The following C2orf76 variants were observed in gnomAD, a reference collection of about 807,000 sequenced individuals.
C2orf76 encodes chromosome 2 open reading frame 76, also known as UPF0538 protein C2orf76.
A neutral mutation model predicts 16.9 loss-of-function variants in C2orf76; 23 were observed. That is an observed-to-expected ratio of 1.36 (90% CI 0.98 to 1.93). The LOEUF (loss-of-function observed/expected upper bound fraction) is 1.93, where lower values mean the gene tolerates loss of function less well. Ranked by LOEUF, C2orf76 falls within the 30% of genes most tolerant of loss-of-function variation. The pLI is 0.00. For missense variants in C2orf76, 152 were observed against 152.6 expected (o/e 1.00, Z 0.02); for synonymous variants, 48 against 52.3 (o/e 0.92, Z 0.35).
At position 119,302,375 on chromosome 2, in the gene C2orf76, GATTA is replaced by G; in HGVS notation, c.*93_*96del. The G allele has an allele frequency of 1.8e-6, 1 of 560,840 alleles. No homozygotes were observed. Among genetic ancestry groups the G allele is most frequent in the Non-Finnish European group, 3.3e-6 (1 of 306,736 alleles). The allele number at this position is 560,840 out of a possible 1,614,324, so 34.7% of individuals were successfully genotyped here. On this transcript the variant is annotated 3_prime_UTR_variant, in exon 6 of 6. Transcript: ENST00000334816. ...TTTTAGCTCAAAGAGTATAGCCTGG[GATTA>G]ATTTTTTAAGATTTGTTTGTCAATT...
chr2:119,351,223 A>C (rs576294095), intron 1 of C2orf76, among the ~76,000 whole-genome samples: 121 of 152,310 alleles, frequency 7.9e-4, no homozygotes, highest in South Asian at 4.8e-3. Context: ...ACTCACAGCC[A>C]ACACCACTCA....
intron 5 of C2orf76, among the ~76,000 whole-genome samples, chr2:119,303,709 A>G (rs959316723): frequency 2.0e-5 from 3 of 152,198 alleles, no homozygotes; most frequent in Non-Finnish European, 4.4e-5. Flanking sequence ...ATCCAATTTA[A>G]TGTTTGTTAA....
In C2orf76 at chr2:119,311,648, T is replaced by C. The variant is rs749649916; in HGVS notation, c.278A>G (p.Asp93Gly). 1.5e-5 allele frequency: 25 copies of C among 1,613,308 alleles called. No individual in the cohort carries two copies. The highest frequency in any genetic ancestry group is 2.0e-5 in the Non-Finnish European group (24 of 1,179,940). The change falls in exon 5 of 6, where the codon GAC (aspartate) becomes GGC (glycine). Residue 93 changes from aspartate to glycine, a missense_variant. Asp to Gly is a moderately conservative substitution (Grantham distance 94, BLOSUM62 -1). Coordinates refer to ENST00000334816, the MANE Select transcript of C2orf76 (RefSeq NM_001322331.2). ...EDDERLLLKEDSTLKAAGIAS... is the reference protein window; with the variant it reads ...EDDERLLLKEGSTLKAAGIAS... ...GATTCCAGCTGCTTTCAGAGTGCTG[T>C]CTTCTTTCAGCAGGAGTCTTTCGTC...
intron 2 of C2orf76, among the ~76,000 whole-genome samples, chr2:119,325,088 C>T (rs761636254): frequency 5.3e-4 from 80 of 152,020 alleles, no homozygotes; most frequent in Non-Finnish European, 4.4e-4. Flanking sequence ...GGAATCCCAG[C>T]ACTTTGGGAG....
At chr2:119,293,753 A>C in the C2orf76 span, among the ~76,000 whole-genome samples, 3 of 152,208 alleles carry the variant, frequency 2.0e-5, no homozygotes, top group Non-Finnish European at 4.4e-5. Context: ...GAACTGGCTG[A>C]TGGCCTGGCT....
chr2:119,295,379 G>T, the C2orf76 span, among the ~76,000 whole-genome samples: 1 of 152,084 alleles, frequency 6.6e-6, no homozygotes, highest in Non-Finnish European at 1.5e-5. Flanking sequence ...GAGGAGGAAG[G>T]GGCACTGATC....
rs4641947 is a variant in C2orf76, at chr2:119,362,507, G to A, written c.-13+4283C>T. On this transcript the variant is annotated intron_variant, in intron 1 of 5. Transcript: ENST00000334816. ...TCATGTGCAGCTAGGAGCTAAATAG[G>A]CAAAGATGTAGAAGACAATGTAGAT... 2.0e-5 allele frequency among the ~76,000 whole-genome samples: 3 copies of A among 152,168 alleles called. No homozygotes were observed. In the South Asian group the frequency reaches 6.2e-4, roughly 31 times the overall value.
At chr2:119,367,044 C>T, upstream of C2orf76, 6 of 1,614,082 alleles carry the variant, frequency 3.7e-6, 1 homozygote, top group African/African-American at 1.3e-5. Flanking sequence ...TCTTGCAAGT[C>T]GGCCAGGATG....
chr2:119,361,666 T>C (rs758597075), intron 1 of C2orf76, among the ~76,000 whole-genome samples: 1 of 152,084 alleles, frequency 6.6e-6, no homozygotes, highest in East Asian at 1.9e-4. Context: ...TTGGCATCCA[T>C]AGGAGGTCAT....
chr2:119,283,882 T>C, the C2orf76 span, among the ~76,000 whole-genome samples: 16 of 152,276 alleles, frequency 1.1e-4, no homozygotes, highest in South Asian at 3.3e-3. Context: ...GGACTGAATC[T>C]TGGAAACTGG....
At chr2:119,315,251 T>C (rs912365011) in intron 4 of C2orf76, among the ~76,000 whole-genome samples, 3 of 152,028 alleles carry the variant, frequency 2.0e-5, no homozygotes, top group Non-Finnish European at 2.9e-5. Flanking sequence ...AGTCTTTTTA[T>C]TGTGGGAATG....
At chr2:119,360,056 G>A (rs1217717125) in intron 1 of C2orf76, among the ~76,000 whole-genome samples, 1 of 152,134 alleles carries the variant, frequency 6.6e-6, no homozygotes, top group Non-Finnish European at 1.5e-5. Flanking sequence ...CCAACCTTCA[G>A]CAACCACCGC....
chr2:119,338,939 G>T (rs1679937595), intron 2 of C2orf76: 1 of 152,146 alleles, frequency 6.6e-6, no homozygotes, highest in African/African-American at 2.4e-5. Flanking sequence ...TGAAACTGGG[G>T]CTAATGAGAA....
intron 1 of C2orf76, among the ~76,000 whole-genome samples, chr2:119,347,444 T>C (rs970935488): frequency 2.0e-5 from 3 of 152,222 alleles, no homozygotes; most frequent in Non-Finnish European, 2.9e-5. Context: ...GTTAATTCTG[T>C]TTATATGATA....
At chr2:119,327,575 G>A (rs1433160836) in intron 2 of C2orf76, among the ~76,000 whole-genome samples, 2 of 151,878 alleles carry the variant, frequency 1.3e-5, no homozygotes, top group South Asian at 2.1e-4. Context: ...ATTAGTTCAC[G>A]TGAGATCCGG....
At chr2:119,345,401 A>G (rs1010145328) in intron 1 of C2orf76, among the ~76,000 whole-genome samples, 5 of 152,358 alleles carry the variant, frequency 3.3e-5, no homozygotes, top group Middle Eastern at 3.4e-3. Flanking sequence ...AACAACTGGC[A>G]AGAACATAAA....
chr2:119,310,389 G>A (rs1194434632), intron 5 of C2orf76, among the ~76,000 whole-genome samples: 2 of 152,158 alleles, frequency 1.3e-5, no homozygotes, highest in Non-Finnish European at 2.9e-5. Context: ...AGCAAATATT[G>A]TAGACATCAA....
chr2:119,324,750 G>T (rs146103694), intron 2 of C2orf76, among the ~76,000 whole-genome samples: 2 of 152,186 alleles, frequency 1.3e-5, no homozygotes, highest in African/African-American at 4.8e-5. Context: ...CACTGAGAAG[G>T]GTGGGAACTA....
At position 119,337,054 on chromosome 2, in the gene C2orf76, TA is replaced by T. The variant is rs1262838029; in HGVS notation, c.133+2772del. Among the ~76,000 whole-genome samples the T allele has an allele frequency of 6.1e-3, 624 of 102,846 alleles. 6 individuals are homozygous for T. The highest frequency in any genetic ancestry group is 0.019 in the African/African-American group (514 of 27,418). The allele number at this position is 102,846 out of a possible 152,430, so 67.5% of individuals were successfully genotyped here. A position where few individuals can be genotyped will look rare whatever the true frequency, so the allele number is the denominator to read the frequency against. On this transcript the variant is annotated intron_variant, in intron 2 of 5. Transcript: ENST00000334816. ...ATCAGGAAAGTTTCATTTATTTATT[TA>T]TTTATTTATTTATTTTTTGAGACAC... is the stretch of plus-strand genomic sequence containing the variant.
Sources: gnomAD v4.1 joint callset for allele counts (sites outside exome capture counted in the v4.1 genomes callset) on GRCh38, gnomAD v4.1.1 for gene constraint, MANE v1.5 for transcripts, NCBI Gene and HGNC (gene_info 2026-07-23, HGNC 2026-07-21) for gene names.